The following CCDC57 variants were observed in gnomAD, a reference collection of about 807,000 sequenced individuals.
CCDC57 encodes coiled-coil domain containing 57.
Under a neutral mutation model 118.9 loss-of-function variants are expected in CCDC57, and 118 were observed. The ratio of observed to expected loss-of-function variants is 0.99; its 90% CI spans 0.86 to 1.16. The LOEUF is 1.16. Among genes scored for constraint, CCDC57 ranks in the 50% most tolerant of loss-of-function variants. CCDC57 has a pLI of 0.00. For synonymous variants in CCDC57, 527 were observed against 532.9 expected (o/e 0.99, Z 0.15); for missense variants, 1,300 against 1,320.7 (o/e 0.98, Z 0.24).
chr17:82,188,542 C>A lies in CCDC57; in HGVS notation c.852-123G>T. The A allele has an allele frequency of 2.9e-6, 3 of 1,039,858 alleles. No individual in the cohort carries two copies. The South Asian group carries it at 5.1e-5, about 18-fold the overall frequency. 64.4% of individuals were successfully genotyped at this position (1,039,858 alleles called of 1,614,324 possible). ...GTGCTGCTGTATGTCTGCCTCAAGG[C>A]TTCGCAGCAGCCACCTGGCCACCTG... is the stretch of plus-strand genomic sequence containing the variant. On this transcript the variant is annotated intron_variant, in intron 7 of 19. Coordinates refer to ENST00000665763, the Ensembl canonical transcript of CCDC57.
At chr17:82,186,427 CCT>C (rs1599285952) in intron 8 of CCDC57, among the ~76,000 whole-genome samples, 2 of 152,224 alleles carry the variant, frequency 1.3e-5, no homozygotes, top group South Asian at 2.1e-4. Flanking sequence ...ACCTGCGGCC[CCT>C]CTCACCCCGT....
chr17:82,101,812 A>G lies in CCDC57; in HGVS notation c.2954T>C (p.Ile985Thr), dbSNP rs76039452. The G allele has an allele frequency of 1.0e-5, 16 of 1,600,202 alleles. No individual in the cohort carries two copies. The highest frequency in any genetic ancestry group is 1.7e-4 in the Middle Eastern group (1 of 6,040). The change falls in exon 20 of 20, where the codon ATT becomes ACT. Residue 985 changes from isoleucine (I) to threonine (T), a missense_variant. Coordinates refer to ENST00000665763, the Ensembl canonical transcript of CCDC57. ...TGCTGTCTTCATCCCTGGGGTGGCA[A>G]TGCCTGCCTGCATCTTGACGGGCCT...
chr17:82,186,617 A>C (rs180755707), intron 8 of CCDC57, among the ~76,000 whole-genome samples: 2 of 152,108 alleles, frequency 1.3e-5, no homozygotes, highest in Non-Finnish European at 2.9e-5. Context: ...TAGTTCTAAG[A>C]GCCATTTCCC....
chr17:82,212,318 A>C lies in CCDC57; in HGVS notation c.-211+467T>G, dbSNP rs1568519358. Among the ~76,000 whole-genome samples, 1 of 151,594 alleles carries C rather than the reference A, an allele frequency of 6.6e-6. No homozygotes were observed. Among genetic ancestry groups the C allele is most frequent in the East Asian group, 1.9e-4 (1 of 5,182 alleles). On this transcript the variant is annotated intron_variant, in intron 1 of 19. Coordinates refer to ENST00000665763, the Ensembl canonical transcript of CCDC57. This position sits in a 1 kb window ranked among gnomAD's most constrained non-coding sequence, Gnocchi z 4.1. ...AGGCTGGTCTCGAACTCCGGGCCTC[A>C]AGCAATCTGCCCGCCTCTGCCTCCC...
exon 10 of CCDC57, chr17:82,179,101 A>G (rs781016212): frequency 6.2e-7 from 1 of 1,613,932 alleles, no homozygotes; most frequent in Non-Finnish European, 8.5e-7. Context: ...ATGTCATCAC[A>G]GCGGCGCTGC....
intron 19 of CCDC57, among the ~76,000 whole-genome samples, chr17:82,125,724 T>C (rs2037328711): frequency 6.6e-6 from 1 of 151,928 alleles, no homozygotes; most frequent in South Asian, 2.1e-4. Context: ...AACAAATACA[T>C]GCAAATAACC....
chr17:82,110,061 A>G (rs2035140384), intron 19 of CCDC57, among the ~76,000 whole-genome samples: 1 of 150,734 alleles, frequency 6.6e-6, no homozygotes, highest in African/African-American at 2.4e-5. Flanking sequence ...GCTCACTGCA[A>G]TGTCCACCTC....
intron 19 of CCDC57, chr17:82,113,776 A>G: frequency 1.5e-6 from 1 of 657,324 alleles, no homozygotes; most frequent in Non-Finnish European, 2.7e-6. Flanking sequence ...CTACAAAAAA[A>G]TAAAATAACA....
In CCDC57 at chr17:82,191,137, A is replaced by C. The variant is rs945762642; in HGVS notation, c.851+2619T>G. 7.1e-4 allele frequency among the ~76,000 whole-genome samples: 104 copies of C among 146,172 alleles called. 1 individual carries two copies. The highest frequency in any genetic ancestry group is 2.9e-4 in the Non-Finnish European group (19 of 66,244). ...AATAAAAAATAAAAAATAAAAAAAA[A>C]GGTCAGGGTGCGGGGTGAAGGATTT... On this transcript the variant is annotated intron_variant, in intron 7 of 19. Transcript: ENST00000665763.
intron 16 of CCDC57, among the ~76,000 whole-genome samples, chr17:82,136,338 A>G (rs1248499434): frequency 6.6e-6 from 1 of 152,184 alleles, no homozygotes; most frequent in Non-Finnish European, 1.5e-5. Context: ...ACAAAGGGAC[A>G]CATCCTGTGG....
intron 11 of CCDC57, among the ~76,000 whole-genome samples, chr17:82,173,646 G>C (rs954439314): frequency 6.6e-6 from 1 of 152,174 alleles, no homozygotes; most frequent in Non-Finnish European, 1.5e-5. Flanking sequence ...AGGATAAACA[G>C]AAAGAAAATC....
chr17:82,110,651 C>G (rs1156645335), intron 19 of CCDC57, among the ~76,000 whole-genome samples: 1 of 152,236 alleles, frequency 6.6e-6, no homozygotes, highest in Non-Finnish European at 1.5e-5. Context: ...AAACCAACAT[C>G]AAAACCTCTC....
At chr17:82,116,176 AT>A (rs1398652505) in intron 19 of CCDC57, among the ~76,000 whole-genome samples, 1 of 148,926 alleles carries the variant, frequency 6.7e-6, no homozygotes. Context: ...AAAAGAACAA[AT>A]TTTTTAAAGA....
Position 82,195,244 on chromosome 17 carries a change from C to A in CCDC57, c.618+19G>T, listed in dbSNP as rs762513031. On this transcript the variant is annotated intron_variant, in intron 5 of 19. Coordinates refer to ENST00000665763, the Ensembl canonical transcript of CCDC57. ...GAAAAACCGAAAAACCTTCACGACC[C>A]AAGGGTGCCCCCAGTTACCTTAAGC... is the stretch of plus-strand genomic sequence containing the variant. The A allele has an allele frequency of 1.3e-5, 20 of 1,560,638 alleles. No individual in the cohort carries two copies. Among genetic ancestry groups the A allele is most frequent in the Non-Finnish European group, 1.7e-5 (19 of 1,148,692 alleles).
At chr17:82,178,970 C>T (rs1333115186) in intron 10 of CCDC57, 57 bp downstream of exon 9, 16 of 1,572,208 alleles carry the variant, frequency 1.0e-5, no homozygotes, top group Non-Finnish European at 1.1e-5. Flanking sequence ...CCGTCCTGCC[C>T]AGCCCCACCT....
exon 4 of CCDC57, chr17:82,198,339 T>A: frequency 6.2e-7 from 1 of 1,613,514 alleles, no homozygotes; most frequent in Non-Finnish European, 8.5e-7. Context: ...AAGCTCACCG[T>A]CGAGCTCCTC....
At chr17:82,169,275 T>C (rs1447286329) in intron 13 of CCDC57, among the ~76,000 whole-genome samples, 1 of 152,082 alleles carries the variant, frequency 6.6e-6, no homozygotes, top group East Asian at 1.9e-4. Context: ...TACAGGTGCC[T>C]GCCACCACGC....
At chr17:82,125,368 T>C (rs369192535) in intron 19 of CCDC57, among the ~76,000 whole-genome samples, 294 of 149,976 alleles carry the variant, frequency 2.0e-3, no homozygotes, top group African/African-American at 6.9e-3. Context: ...GGAGACACCA[T>C]CTCTACTAAA....
In CCDC57 at chr17:82,168,723, AGACT is replaced by A. The variant is rs1344312709; in HGVS notation, c.1882+2974_1882+2977del. Among the ~76,000 whole-genome samples the A allele has an allele frequency of 2.7e-5, 4 of 148,574 alleles. No homozygotes were observed. The East Asian group carries it at 7.8e-4, about 29-fold the overall frequency. On this transcript the variant is annotated intron_variant, in intron 13 of 19. Coordinates refer to ENST00000665763, the Ensembl canonical transcript of CCDC57. ...TGGATTAATTAATATCAGACAAGGT[AGACT>A]TCAGAACAAAGAATGTTGCCAGACA...
Sources: gnomAD v4.1 joint callset for allele counts (sites outside exome capture counted in the v4.1 genomes callset) on GRCh38, gnomAD v4.1.1 for gene constraint, Gnocchi (gnomAD v3.1) non-coding constraint, MANE v1.5 for transcripts, NCBI Gene and HGNC (gene_info 2026-07-23, HGNC 2026-07-21) for gene names.